COQ9: variants seen among roughly 807,000 people sequenced by gnomAD.
The protein encoded by COQ9 is coenzyme Q9, also known as ubiquinone biosynthesis protein COQ9, mitochondrial.
Under a neutral mutation model 42.4 loss-of-function variants are expected in COQ9, and 35 were observed. The ratio of observed to expected loss-of-function variants is 0.83; its 90% CI spans 0.63 to 1.10. The LOEUF (loss-of-function observed/expected upper bound fraction) is 1.10, where lower values mean the gene tolerates loss of function less well. COQ9 is among the 50% of genes least tolerant of loss of function. The pLI is 0.00. For synonymous variants in COQ9, 155 were observed against 155.1 expected (o/e 1.00, Z 0.00); for missense variants, 406 against 414.6 (o/e 0.98, Z 0.18).
chr16:57,458,585 C>T (rs1251309885), intron 6 of COQ9, among the ~76,000 whole-genome samples: 1 of 152,226 alleles, frequency 6.6e-6, no homozygotes, highest in East Asian at 1.9e-4. Context: ...CTTGTGGTGA[C>T]ACCAGGTGTC....
chr16:57,448,132 C>T (rs867411216), intron 1 of COQ9, among the ~76,000 whole-genome samples: 2 of 152,156 alleles, frequency 1.3e-5, no homozygotes, highest in African/African-American at 2.4e-5. Context: ...TTAATTAGAA[C>T]GTATGCATTA....
rs1164698953 is a variant in COQ9 at position 57,460,717 on chromosome 16, G to T, written c.*93G>T. 4 of 1,229,098 alleles carry T rather than the reference G, an allele frequency of 3.3e-6. No individual in the cohort carries two copies. The highest frequency in any genetic ancestry group is 4.8e-6 in the Non-Finnish European group (4 of 839,916). 76.1% of individuals were successfully genotyped at this position (1,229,098 alleles called of 1,614,324 possible). ...TATAAGGTGCCATCCACATAACCTGGTGTTCACGAGAACACACTAAAGGAC... is the reference window on the plus strand; with the variant it reads ...TATAAGGTGCCATCCACATAACCTGTTGTTCACGAGAACACACTAAAGGAC... On this transcript the variant is annotated 3_prime_UTR_variant, in exon 9 of 9. Coordinates refer to ENST00000262507, the MANE Select transcript of COQ9 (RefSeq NM_020312.4).
Position 57,459,582 on chromosome 16 carries a change from C to G in COQ9, c.729C>G (p.Arg243=). 1.9e-6 allele frequency: 3 copies of G among 1,614,156 alleles called. No individual in the cohort carries two copies. The highest frequency in any genetic ancestry group is 2.5e-6 in the Non-Finnish European group (3 of 1,180,020). The part of the protein sequence containing the change: ...DQSTDFNWYT[R]RAMLAAIYNT... ...CTTTACAGTTTAACTGGTACACCCG[C>G]CGAGCCATGCTGGCTGCCATCTACA... The change falls in exon 7 of 9, where the codon CGC becomes CGG. Residue 243 remains arginine (R), a synonymous_variant. Coordinates refer to ENST00000262507, the MANE Select transcript of COQ9 (RefSeq NM_020312.4).
chr16:57,456,800 G>A lies in COQ9; in HGVS notation c.522-131G>A, dbSNP rs1358778127. 4 of 1,309,448 alleles carry A rather than the reference G, an allele frequency of 3.1e-6. No individual in the cohort carries two copies. The African/African-American group carries it at 4.4e-5, about 14-fold the overall frequency. The allele number at this position is 1,309,448 out of a possible 1,614,324, so 81.1% of individuals were successfully genotyped here. On this transcript the variant is annotated intron_variant, in intron 4 of 8. Coordinates refer to ENST00000262507, the MANE Select transcript of COQ9 (RefSeq NM_020312.4). ...TGATGGGACTGAAACCTGGCAGCCT[G>A]TCTCTGACGGCTTTAGTCAGGCCAG...
Position 57,452,916 on chromosome 16 carries a change from G to A in COQ9, c.358G>A (p.Ala120Thr), listed in dbSNP as rs753689710. Residue 120 changes from alanine to threonine, a missense_variant, in exon 3 of 9, where the codon GCG (alanine) becomes ACG (threonine). Physicochemically the swap from Ala to Thr is moderately conservative, Grantham distance 58. Transcript: ENST00000262507. ...FVPAHGWTAEAIAEGAQSLGL... is the reference protein window; with the variant it reads ...FVPAHGWTAETIAEGAQSLGL... Reference sequence around the variant, plus strand: ...GCCCGCCCACGGGTGGACAGCAGAGGCGATTGCAGAAGGAGCCCAGGTGTG... The same window carrying A: ...GCCCGCCCACGGGTGGACAGCAGAGACGATTGCAGAAGGAGCCCAGGTGTG... The A allele has an allele frequency of 1.2e-6, 2 of 1,613,762 alleles. No individual in the cohort carries two copies. Among genetic ancestry groups the A allele is most frequent in the Non-Finnish European group, 1.7e-6 (2 of 1,179,946 alleles).
In COQ9 at chr16:57,459,614, CAG is replaced by C; in HGVS notation, c.764_765del (p.Glu255AlafsTer12). Reference sequence around the variant, plus strand: ...ATGCTGGCTGCCATCTACAACACAACAGAGCTGGTGATGATGCAGGACTCCTC... The same window carrying C: ...ATGCTGGCTGCCATCTACAACACAACAGCTGGTGATGATGCAGGACTCCTC... On this transcript the variant is annotated frameshift_variant, in exon 7 of 9. Coordinates refer to ENST00000262507, the MANE Select transcript of COQ9 (RefSeq NM_020312.4). LOFTEE classifies it high-confidence loss of function. The C allele has an allele frequency of 1.2e-6, 2 of 1,614,158 alleles. No individual in the cohort carries two copies. Among genetic ancestry groups the C allele is most frequent in the Non-Finnish European group, 1.7e-6 (2 of 1,180,012 alleles).
chr16:57,450,599 G>T (rs1333599582), intron 1 of COQ9, among the ~76,000 whole-genome samples: 1 of 152,110 alleles, frequency 6.6e-6, no homozygotes, highest in Non-Finnish European at 1.5e-5. Flanking sequence ...AAACACTGGG[G>T]GAGTAGGGCT....
intron 1 of COQ9, 61 bp from the exon 2 acceptor site, chr16:57,450,979 A>G (rs1315489565): frequency 2.5e-6 from 4 of 1,580,068 alleles, no homozygotes; most frequent in African/African-American, 1.3e-5. Context: ...CTGTGTTACC[A>G]CTCTGGGTCT....
intron 2 of COQ9, 27 bp from the exon 3 acceptor site, chr16:57,452,774 A>G: frequency 6.2e-7 from 1 of 1,612,624 alleles, no homozygotes; most frequent in Non-Finnish European, 8.5e-7. Context: ...GAGATGAAGT[A>G]TGCTGGGCTG....
Position 57,451,063 on chromosome 16 carries a change from G to C in COQ9, c.97G>C (p.Val33Leu). The C allele has an allele frequency of 2.5e-6, 4 of 1,614,080 alleles. No individual in the cohort carries two copies. The highest frequency in any genetic ancestry group is 3.4e-6 in the Non-Finnish European group (4 of 1,180,034). ...LPVARCRQALVPRAFHASAVG... is the reference protein window; with the variant it reads ...LPVARCRQALLPRAFHASAVG... ...AGTGGCCCGTTGCCGACAAGCCCTGGTGCCGCGTGCCTTCCATGCTTCAGC... is the reference window on the plus strand; with the variant it reads ...AGTGGCCCGTTGCCGACAAGCCCTGCTGCCGCGTGCCTTCCATGCTTCAGC... The change falls in exon 2 of 9, where the codon GTG becomes CTG. Residue 33 changes from valine (V) to leucine (L), a missense_variant. By Grantham distance (32) the Val-to-Leu change is conservative. Coordinates refer to ENST00000262507, the MANE Select transcript of COQ9 (RefSeq NM_020312.4).
In COQ9 at chr16:57,460,751, C is replaced by G; in HGVS notation, c.*127C>G. 1 of 867,444 alleles carries G rather than the reference C, an allele frequency of 1.2e-6. No homozygotes were observed. The highest frequency in any genetic ancestry group is 1.9e-6 in the Non-Finnish European group (1 of 526,384). 53.7% of individuals were successfully genotyped at this position (867,444 alleles called of 1,614,324 possible). On this transcript the variant is annotated 3_prime_UTR_variant, in exon 9 of 9. Coordinates refer to ENST00000262507, the MANE Select transcript of COQ9 (RefSeq NM_020312.4). Reference sequence around the variant, plus strand: ...AGAACACACTAAAGGACTCCTGAGTCACTACCACAGCCACCTGGAAACCAC... The same window carrying G: ...AGAACACACTAAAGGACTCCTGAGTGACTACCACAGCCACCTGGAAACCAC...
chr16:57,455,904 C>T (rs2030392080), intron 3 of COQ9, among the ~76,000 whole-genome samples: 1 of 151,808 alleles, frequency 6.6e-6, no homozygotes, highest in Non-Finnish European at 1.5e-5. Context: ...ATGGCGAGAC[C>T]CCATCTCTAC....
In COQ9 at chr16:57,460,848, C is replaced by G. The variant is rs1428569147; in HGVS notation, c.*224C>G. ...CAGTTCCTAATACCAGACCAAGCCT[C>G]CTGATGCCTTTCTGCACTGCAACTG... On this transcript the variant is annotated 3_prime_UTR_variant, in exon 9 of 9. Coordinates refer to ENST00000262507, the MANE Select transcript of COQ9 (RefSeq NM_020312.4). 2 of 561,424 alleles carry G rather than the reference C, an allele frequency of 3.6e-6. No homozygotes were observed. Among genetic ancestry groups the G allele is most frequent in the Non-Finnish European group, 6.5e-6 (2 of 309,338 alleles). The allele number at this position is 561,424 out of a possible 1,614,324, so 34.8% of individuals were successfully genotyped here.
chr16:57,455,830 C>A (rs1169710543), intron 3 of COQ9, among the ~76,000 whole-genome samples: 1 of 152,128 alleles, frequency 6.6e-6, no homozygotes, highest in East Asian at 1.9e-4. Flanking sequence ...GTAATCCCAG[C>A]ACTTGGGGAG....
chr16:57,451,045 C>G lies in COQ9; in HGVS notation c.79C>G (p.Arg27Gly), dbSNP rs140264612. ...CTGACCAGTTTCTGTTTCAGTGGCC[C>G]GTTGCCGACAAGCCCTGGTGCCGCG... is the stretch of plus-strand genomic sequence containing the variant. ...LLQLRCLPVA[R>G]CRQALVPRAF... is the part of the protein sequence containing the mutation. Residue 27 changes from arginine (R) to glycine (G), a missense_variant, in exon 2 of 9, where the codon CGT becomes GGT. Arg to Gly is a moderately radical substitution (Grantham distance 125). Transcript: ENST00000262507. 2,079 of 1,613,898 alleles carry G rather than the reference C, an allele frequency of 1.3e-3. 30 individuals carry two copies. The Middle Eastern group carries it at 0.02, about 16-fold the overall frequency.
intron 4 of COQ9, 26 bp downstream of exon 4, chr16:57,456,672 G>A (rs2030410724): frequency 6.2e-7 from 1 of 1,609,426 alleles, no homozygotes; most frequent in Non-Finnish European, 8.5e-7. Flanking sequence ...TTACTACTCA[G>A]GGTGGCAGCT....
At position 57,456,906 on chromosome 16, in the gene COQ9, C is replaced by T. The variant is rs750147522; in HGVS notation, c.522-25C>T. The stretch of plus-strand genomic sequence containing the variant: ...AGCCCCTGCCTTTCACTCAGAGACA[C>T]ACTGTTTTCTTTTCCCTCTTCCAGG... On this transcript the variant is annotated intron_variant, in intron 4 of 8. Transcript: ENST00000262507. 4 of 1,595,920 alleles carry T rather than the reference C, an allele frequency of 2.5e-6. No homozygotes were observed. In the South Asian group the frequency reaches 4.4e-5, roughly 18 times the overall value.
At chr16:57,448,050 A>T (rs1429045350) in intron 1 of COQ9, among the ~76,000 whole-genome samples, 7 of 152,138 alleles carry the variant, frequency 4.6e-5, no homozygotes, top group Admixed American at 3.9e-4. Flanking sequence ...CAGTATTTTT[A>T]TTTTTAAATA....
At chr16:57,448,751 T>G (rs1031643628) in intron 1 of COQ9, among the ~76,000 whole-genome samples, 2 of 151,886 alleles carry the variant, frequency 1.3e-5, no homozygotes, top group Non-Finnish European at 2.9e-5. Flanking sequence ...ACTAAAGATG[T>G]GTAGTAAAAG....
Sources: gnomAD v4.1 joint callset for allele counts (sites outside exome capture counted in the v4.1 genomes callset) on GRCh38, gnomAD v4.1.1 for gene constraint, MANE v1.5 for transcripts, NCBI Gene and HGNC (gene_info 2026-07-23, HGNC 2026-07-21) for gene names.